Variants in RBM33 observed in about 807,000 individuals in gnomAD.
The protein encoded by RBM33 is RNA-binding protein 33.
A neutral mutation model predicts 132.6 loss-of-function variants in RBM33; 28 were observed. The ratio of observed to expected loss-of-function variants is 0.21; its 90% confidence interval spans 0.16 to 0.29. The LOEUF (loss-of-function observed/expected upper bound fraction) is 0.29. Among genes scored for constraint, RBM33 ranks in the 10% least tolerant of loss-of-function variants. The pLI is 1.00. For missense variants in RBM33, 1,291 were observed against 1,518.5 expected (o/e 0.85, Z 2.49); for synonymous variants, 634 against 593.0 (o/e 1.07, Z -1.01).
At chr7:155,711,051 TGTTACTACAG>T (rs1359612366) in intron 7 of RBM33, 142 bp from the exon 8 acceptor site, 85 of 1,112,344 alleles carry the variant, frequency 7.6e-5, no homozygotes, top group Non-Finnish European at 9.9e-5. Flanking sequence ...TGATACAAGT[TGTTACTACAG>T]ACTTCTTACA....
At chr7:155,737,202 C>T (rs117668835) in intron 9 of RBM33, among the ~76,000 whole-genome samples, 1 of 152,134 alleles carries the variant, frequency 6.6e-6, no homozygotes, top group East Asian at 1.9e-4. Context: ...CTAGTGTGTA[C>T]TATACAGGCT....
chr7:155,646,413 C>G (rs542763696), intron 1 of RBM33, among the ~76,000 whole-genome samples: 20 of 152,252 alleles, frequency 1.3e-4, no homozygotes, highest in Admixed American at 3.9e-4. Flanking sequence ...ATTCATGATG[C>G]TTTGGAGTTT....
chr7:155,751,334 C>T (rs1801680452), intron 14 of RBM33, among the ~76,000 whole-genome samples: 1 of 152,162 alleles, frequency 6.6e-6, no homozygotes, highest in South Asian at 2.1e-4. Flanking sequence ...TATGATTCAG[C>T]ACACAGATAC....
At chr7:155,676,327 G>T (rs559146230) in intron 3 of RBM33, among the ~76,000 whole-genome samples, 3 of 152,176 alleles carry the variant, frequency 2.0e-5, no homozygotes, top group Non-Finnish European at 4.4e-5. Context: ...TAAGAGTGAG[G>T]TGGAAGTTGG....
At position 155,664,239 on chromosome 7, in the gene RBM33, ATATATG is replaced by A. The variant is rs1290006582; in HGVS notation, c.44-934_44-929del. ...TGAGTACACATTATGACTTATATATATATATGTGTGTGTGTGTGTATATACATTTTT... is the reference window on the plus strand; with the variant it reads ...TGAGTACACATTATGACTTATATATATGTGTGTGTGTGTATATACATTTTT... On this transcript the variant is annotated intron_variant, in intron 1 of 17. Coordinates refer to ENST00000401878, the MANE Select transcript of RBM33 (RefSeq NM_053043.3). Among the ~76,000 whole-genome samples the A allele has an allele frequency of 3.4e-5, 5 of 146,386 alleles. No individual in the cohort carries two copies. The South Asian group carries it at 8.9e-4, about 26-fold the overall frequency.
chr7:155,660,319 C>G (rs1798606219), intron 1 of RBM33, among the ~76,000 whole-genome samples: 1 of 152,228 alleles, frequency 6.6e-6, no homozygotes, highest in East Asian at 1.9e-4. Context: ...AAGCGACTAC[C>G]TTGGCCTCCC....
At chr7:155,726,455 A>C (rs1303081858) in intron 9 of RBM33, among the ~76,000 whole-genome samples, 1 of 152,160 alleles carries the variant, frequency 6.6e-6, no homozygotes, top group African/African-American at 2.4e-5. Context: ...GAAAAGTGAA[A>C]GTATAATTTG....
chr7:155,761,717 C>CA lies in RBM33; in HGVS notation c.2980-2091dup, dbSNP rs921598724. Among the ~76,000 whole-genome samples the CA allele has an allele frequency of 4.6e-5, 7 of 152,054 alleles. 1 individual carries two copies. Among genetic ancestry groups the CA allele is most frequent in the Middle Eastern group, 6.3e-3 (2 of 316 alleles). The stretch of plus-strand genomic sequence containing the variant: ...AGGAGCATCAATTTTTTGCTGATCT[C>CA]AAAATACCAACTTTTGGTTTCACAG... On this transcript the variant is annotated intron_variant, in intron 14 of 17. Transcript: ENST00000401878.
chr7:155,667,639 C>G (rs147743198), intron 2 of RBM33, among the ~76,000 whole-genome samples: 1 of 152,052 alleles, frequency 6.6e-6, no homozygotes, highest in Non-Finnish European at 1.5e-5. Flanking sequence ...TGACTAAATG[C>G]GGGCTGTGCA....
chr7:155,734,030 C>T (rs888345809), intron 9 of RBM33, among the ~76,000 whole-genome samples: 2 of 152,248 alleles, frequency 1.3e-5, no homozygotes, highest in African/African-American at 2.4e-5. Context: ...GCTCCTTCTC[C>T]GTGACCCAGT....
At chr7:155,655,534 C>CTTT (rs756948005) in intron 1 of RBM33, among the ~76,000 whole-genome samples, 24,013 of 79,978 alleles carry the variant, frequency 0.3, 4,621 homozygotes, top group East Asian at 0.44. Flanking sequence ...GGCTGTTTGC[C>CTTT]TTTTTTTTTT....
chr7:155,742,633 G>A (rs1004446382), intron 13 of RBM33, among the ~76,000 whole-genome samples: 2 of 152,212 alleles, frequency 1.3e-5, no homozygotes, highest in Non-Finnish European at 2.9e-5. Flanking sequence ...ACCTCTAGAA[G>A]ATAGGACCAA....
intron 2 of RBM33, 47 bp from the exon 3 acceptor site, chr7:155,672,820 A>G (rs897403110): frequency 3.1e-5 from 43 of 1,406,402 alleles, no homozygotes; most frequent in Non-Finnish European, 3.6e-5. Flanking sequence ...CAAACTTGCA[A>G]GTCTTATGGG....
intron 5 of RBM33, among the ~76,000 whole-genome samples, chr7:155,686,734 G>GT (rs1195611552): frequency 2.0e-5 from 3 of 152,016 alleles, no homozygotes; most frequent in Non-Finnish European, 2.9e-5. Flanking sequence ...GCAGTGTTTG[G>GT]TTTTTTGTCC....
intron 3 of RBM33, among the ~76,000 whole-genome samples, chr7:155,673,800 A>ACACACACACACACACC (rs369078260): frequency 2.8e-5 from 4 of 141,858 alleles, no homozygotes; most frequent in African/African-American, 5.8e-5. Context: ...ACACACACAC[A>ACACACACACACACACC]CCCCTACCAG....
At chr7:155,672,984 C>G (rs1798986508) in intron 3 of RBM33, 69 bp downstream of exon 3, 2 of 1,083,220 alleles carry the variant, frequency 1.8e-6, no homozygotes, top group Non-Finnish European at 2.7e-6. Flanking sequence ...CAGCAGTAAT[C>G]ACTTATACAT....
At chr7:155,751,792 TA>T (rs74539657) in intron 14 of RBM33, among the ~76,000 whole-genome samples, 37,903 of 151,894 alleles carry the variant, frequency 0.25, 5,127 homozygotes, top group African/African-American at 0.35. Context: ...TTGTAATTAG[TA>T]AAGTAATTTA....
intron 15 of RBM33, among the ~76,000 whole-genome samples, chr7:155,765,042 C>T (rs950190084): frequency 6.6e-6 from 1 of 152,186 alleles, no homozygotes; most frequent in African/African-American, 2.4e-5. Flanking sequence ...CAGGTGCCAT[C>T]CCTGAATATA....
Position 155,680,860 on chromosome 7 carries a change from T to C in RBM33, c.519T>C (p.Thr173=). 6.2e-7 allele frequency: 1 copy of C among 1,613,846 alleles called. No individual in the cohort carries two copies. The highest frequency in any genetic ancestry group is 8.5e-7 in the Non-Finnish European group (1 of 1,179,814). The stretch of plus-strand genomic sequence containing the variant: ...AGCCAGAGGAGGAGCAGCTTTACAC[T>C]GATGAAGTGTTAGACATCGAGATCA... ...VEEPEEEQLY[T]DEVLDIEINE... is the part of the protein sequence containing the mutation. Residue 173 remains threonine (T), a synonymous_variant, in exon 5 of 18, where the codon ACT becomes ACC. Coordinates refer to ENST00000401878, the MANE Select transcript of RBM33 (RefSeq NM_053043.3).
Sources: gnomAD v4.1 joint callset for allele counts (sites outside exome capture counted in the v4.1 genomes callset) on GRCh38, gnomAD v4.1.1 for gene constraint, MANE v1.5 for transcripts, NCBI Gene and HGNC (gene_info 2026-07-23, HGNC 2026-07-21) for gene names.